DIRAS1: variants seen among roughly 807,000 people sequenced by gnomAD.
DIRAS1 encodes the protein DIRAS family GTPase 1, also known as GTP-binding protein Di-Ras1.
DIRAS1 carries 3 observed loss-of-function variants against 11.5 expected under a neutral mutation model. That is an observed-to-expected ratio of 0.26 (90% CI 0.12 to 0.67). DIRAS1 has a LOEUF of 0.67. Ranked by LOEUF, DIRAS1 falls within the 30% of genes least tolerant of loss-of-function variation. The pLI is 0.80. For synonymous variants in DIRAS1, 128 were observed against 125.8 expected, an observed-to-expected ratio of 1.02 and a Z score of -0.12; for missense variants, 212 against 285.3, an observed-to-expected ratio of 0.74 and a Z score of 1.85.
chr19:2,716,859 T>G lies in DIRAS1; in HGVS notation c.*351A>C. The G allele has an allele frequency of 3.7e-6, 1 of 269,824 alleles. No individual in the cohort carries two copies. Among genetic ancestry groups the G allele is most frequent in the Non-Finnish European group, 7.0e-6 (1 of 142,854 alleles). 16.7% of individuals were successfully genotyped at this position (269,824 alleles called of 1,614,324 possible). Reference sequence around the variant, plus strand: ...GCTGGGGACACCCCAGGGAAAGAGATGGAAACGGGGAAACGCAGCCTCCTC... The same window carrying G: ...GCTGGGGACACCCCAGGGAAAGAGAGGGAAACGGGGAAACGCAGCCTCCTC... On this transcript the variant is annotated 3_prime_UTR_variant, in exon 2 of 2. Coordinates refer to ENST00000323469, the MANE Select transcript of DIRAS1 (RefSeq NM_145173.4).
In DIRAS1 at chr19:2,718,290, T is replaced by G. The variant is rs1251044013; in HGVS notation, c.-69-415A>C. On this transcript the variant is annotated intron_variant, in intron 1 of 1. Coordinates refer to ENST00000323469, the MANE Select transcript of DIRAS1 (RefSeq NM_145173.4). This position sits in a 1 kb window ranked among gnomAD's most constrained non-coding sequence, Gnocchi z 4.2. Reference sequence around the variant, plus strand: ...CTCTCGCTCCACACCTGCCTGGCTCTGAGACCTTGCCGAGCCATCATGCCA... The same window carrying G: ...CTCTCGCTCCACACCTGCCTGGCTCGGAGACCTTGCCGAGCCATCATGCCA... 6.6e-6 allele frequency among the ~76,000 whole-genome samples: 1 copy of G among 152,178 alleles called. No homozygotes were observed. The highest frequency in any genetic ancestry group is 1.5e-5 in the Non-Finnish European group (1 of 68,012).
At position 2,715,183 on chromosome 19, in the gene DIRAS1, CA is replaced by C. The variant is rs36027150; in HGVS notation, c.*2026del. 2 of 152,234 alleles carry C rather than the reference CA, an allele frequency of 1.3e-5. No homozygotes were observed. The highest frequency in any genetic ancestry group is 6.5e-5 in the Admixed American group (1 of 15,282). 9.4% of individuals were successfully genotyped at this position (152,234 alleles called of 1,614,324 possible). A position where few individuals can be genotyped will look rare whatever the true frequency, so the allele number is the denominator to read the frequency against. ...CAGAGGAAAACAAACATGCTTGTAC[CA>C]AATCAGACACGAGCAATCTGTTACC... is the stretch of plus-strand genomic sequence containing the variant. On this transcript the variant is annotated 3_prime_UTR_variant, in exon 2 of 2. Transcript: ENST00000323469.
In DIRAS1 at chr19:2,717,574, T is replaced by C. The variant is rs1173305927; in HGVS notation, c.233A>G (p.Lys78Arg). 1.2e-6 allele frequency: 2 copies of C among 1,613,070 alleles called. No individual in the cohort carries two copies. The highest frequency in any genetic ancestry group is 4.5e-5 in the East Asian group (2 of 44,852). Reference protein sequence around the residue: ...FPAMQRLSISKGHAFILVFSV... With the variant: ...FPAMQRLSISRGHAFILVFSV... ...GAACACCAGGATGAAGGCGTGGCCCTTGGAGATGGACAGGCGCTGCATGGC... is the reference window on the plus strand; with the variant it reads ...GAACACCAGGATGAAGGCGTGGCCCCTGGAGATGGACAGGCGCTGCATGGC... Residue 78 changes from lysine to arginine, a missense_variant, in exon 2 of 2, where the codon AAG (lysine) becomes AGG (arginine). This residue lies in a region of DIRAS1 where 128 missense variants were observed against 205.3 expected (regional missense o/e 0.62). Transcript: ENST00000323469.
At position 2,717,725 on chromosome 19, in the gene DIRAS1, C is replaced by G. The variant is rs776347127; in HGVS notation, c.82G>C (p.Val28Leu). 1.2e-6 allele frequency: 2 copies of G among 1,607,562 alleles called. No homozygotes were observed. Among genetic ancestry groups the G allele is most frequent in the African/African-American group, 1.3e-5 (1 of 75,062 alleles). The change falls in exon 2 of 2, where the codon GTG (valine) becomes CTG (leucine). Residue 28 changes from valine to leucine, a missense_variant. This residue lies in a region of DIRAS1 where 128 missense variants were observed against 205.3 expected (regional missense o/e 0.62). Transcript: ENST00000323469. ...VGKSSLVLRF[V>L]KGTFRDTYIP... ...TAGGTGTCGCGGAACGTGCCCTTCA[C>G]GAAGCGCAGCACCAGCGAGCTCTTG...
Position 2,718,490 on chromosome 19 carries a change from C to T in DIRAS1, c.-69-615G>A, listed in dbSNP as rs558352127. Among the ~76,000 whole-genome samples, 4 of 152,314 alleles carry T rather than the reference C, an allele frequency of 2.6e-5. No individual in the cohort carries two copies. The highest frequency in any genetic ancestry group is 2.1e-4 in the South Asian group (1 of 4,826). ...GTGATGAATCGGTCGGCCAGGGCAA[C>T]GGCCCTGGGAACTCGTATTTTATTT... On this transcript the variant is annotated intron_variant, in intron 1 of 1. Coordinates refer to ENST00000323469, the MANE Select transcript of DIRAS1 (RefSeq NM_145173.4). This position sits in a 1 kb window ranked among gnomAD's most constrained non-coding sequence, Gnocchi z 4.2.
chr19:2,716,542 G>T lies in DIRAS1; in HGVS notation c.*668C>A, dbSNP rs1245332150. ...TGGATGTGGCTGGTCCCGGGGGTGG[G>T]ATTCGGGGCTGGCAGGGGCACTGCT... On this transcript the variant is annotated 3_prime_UTR_variant, in exon 2 of 2. Coordinates refer to ENST00000323469, the MANE Select transcript of DIRAS1 (RefSeq NM_145173.4). 1 of 152,522 alleles carries T rather than the reference G, an allele frequency of 6.6e-6. No homozygotes were observed. The highest frequency in any genetic ancestry group is 1.5e-5 in the Non-Finnish European group (1 of 68,232). The allele number at this position is 152,522 out of a possible 1,614,324, so 9.4% of individuals were successfully genotyped here. A position where few individuals can be genotyped will look rare whatever the true frequency, so the allele number is the denominator to read the frequency against.
rs1599475848 is a variant in DIRAS1 at position 2,717,054 on chromosome 19, C to T, written c.*156G>A. On this transcript the variant is annotated 3_prime_UTR_variant, in exon 2 of 2. Coordinates refer to ENST00000323469, the MANE Select transcript of DIRAS1 (RefSeq NM_145173.4). ...AGCCCCAGCCCTGCCTCGGGGTGGG[C>T]AGGGGCAGCGGAGGGGGGGGCGGTG... 2.8e-6 allele frequency: 2 copies of T among 723,266 alleles called. No individual in the cohort carries two copies. The highest frequency in any genetic ancestry group is 2.8e-5 in the East Asian group (1 of 35,940). The allele number at this position is 723,266 out of a possible 1,614,324, so 44.8% of individuals were successfully genotyped here.
rs1441444868 is a variant in DIRAS1 at position 2,718,137 on chromosome 19, G to A, written c.-69-262C>T. 2.0e-5 allele frequency among the ~76,000 whole-genome samples: 3 copies of A among 152,232 alleles called. No individual in the cohort carries two copies. The highest frequency in any genetic ancestry group is 1.3e-4 in the Admixed American group (2 of 15,280). On this transcript the variant is annotated intron_variant, in intron 1 of 1. Transcript: ENST00000323469. The surrounding 1 kb of genome is among the most constrained non-coding windows in gnomAD (Gnocchi z 4.2). ...CGGGGGACGCTGAGCTAGGAGAGGCGTGGGAGACGCCGGGATGCCCACGAA... is the reference window on the plus strand; with the variant it reads ...CGGGGGACGCTGAGCTAGGAGAGGCATGGGAGACGCCGGGATGCCCACGAA...
chr19:2,720,640 C>T (rs1294469367), intron 1 of DIRAS1, among the ~76,000 whole-genome samples: 1 of 145,900 alleles, frequency 6.9e-6, no homozygotes, highest in African/African-American at 2.5e-5. Flanking sequence ...GCCCGGCTCC[C>T]GGCCGGGCAC....
Position 2,717,066 on chromosome 19 carries a change from A to AGGCC in DIRAS1, c.*143_*144insGGCC. The AGGCC allele has an allele frequency of 4.0e-6, 3 of 754,386 alleles. No individual in the cohort carries two copies. The highest frequency in any genetic ancestry group is 5.9e-6 in the Non-Finnish European group (3 of 511,908). The allele number at this position is 754,386 out of a possible 1,614,324, so 46.7% of individuals were successfully genotyped here. Reference sequence around the variant, plus strand: ...GCCTCGGGGTGGGCAGGGGCAGCGGAGGGGGGGGCGGTGGCCTCGGTTTCC... The same window carrying AGGCC: ...GCCTCGGGGTGGGCAGGGGCAGCGGAGGCCGGGGGGGGCGGTGGCCTCGGTTTCC... On this transcript the variant is annotated 3_prime_UTR_variant, in exon 2 of 2. Coordinates refer to ENST00000323469, the MANE Select transcript of DIRAS1 (RefSeq NM_145173.4).
chr19:2,717,901 C>T (rs1449331084), intron 1 of DIRAS1, 26 bp from the exon 2 acceptor site: 1 of 1,303,760 alleles, frequency 7.7e-7, no homozygotes, highest in East Asian at 2.5e-5. Context: ...GGTCACACGT[C>T]AAAGGCCACC....
At chr19:2,719,538 T>C (rs576159174) in intron 1 of DIRAS1, among the ~76,000 whole-genome samples, 32 of 150,692 alleles carry the variant, frequency 2.1e-4, no homozygotes, top group Admixed American at 9.9e-4. Context: ...ATCTCCAGAA[T>C]TGATGTCCTC....
At position 2,717,693 on chromosome 19, in the gene DIRAS1, G is replaced by T; in HGVS notation, c.114C>A (p.Pro38=). ...VKGTFRDTYI[P]TIEDTYRQVI... is the part of the protein sequence containing the mutation. ...CCTGCCGGTAGGTGTCCTCGATGGTGGGGATGTAGGTGTCGCGGAACGTGC... is the reference window on the plus strand; with the variant it reads ...CCTGCCGGTAGGTGTCCTCGATGGTTGGGATGTAGGTGTCGCGGAACGTGC... Residue 38 remains proline, a synonymous_variant, in exon 2 of 2, where the codon CCC becomes CCA. Transcript: ENST00000323469. 1.2e-5 allele frequency: 19 copies of T among 1,611,680 alleles called. No individual in the cohort carries two copies. Among genetic ancestry groups the T allele is most frequent in the Non-Finnish European group, 1.6e-5 (19 of 1,180,008 alleles).
chr19:2,717,305 C>A lies in DIRAS1; in HGVS notation c.502G>T (p.Glu168Ter). 1.2e-6 allele frequency: 2 copies of A among 1,612,436 alleles called. No homozygotes were observed. The highest frequency in any genetic ancestry group is 1.7e-6 in the Non-Finnish European group (2 of 1,179,930). ...KELFQELLTLETRRNMSLNID... is the reference protein window; with the variant it reads ...KELFQELLTL ...TTGAGGCTCATGTTCCGGCGCGTCT[C>A]CAGCGTCAGCAGCTCCTGGAAGAGC... Residue 168 changes from glutamate to a stop codon, truncating the protein, a stop_gained, in exon 2 of 2, where the codon GAG becomes TAG. Transcript: ENST00000323469. LOFTEE classifies it high-confidence loss of function.
At chr19:2,719,307 TC>T (rs1358466145) in intron 1 of DIRAS1, 2 of 152,120 alleles carry the variant, frequency 1.3e-5, no homozygotes, top group East Asian at 3.9e-4. Context: ...AAATCGCCAC[TC>T]CCTAAACTCT....
chr19:2,718,391 A>AGAT lies in DIRAS1; in HGVS notation c.-69-519_-69-517dup, dbSNP rs1340859558. Among the ~76,000 whole-genome samples, 20 of 152,248 alleles carry AGAT rather than the reference A, an allele frequency of 1.3e-4. No individual in the cohort carries two copies. The highest frequency in any genetic ancestry group is 4.6e-4 in the African/African-American group (19 of 41,468). On this transcript the variant is annotated intron_variant, in intron 1 of 1. Coordinates refer to ENST00000323469, the MANE Select transcript of DIRAS1 (RefSeq NM_145173.4). This position sits in a 1 kb window ranked among gnomAD's most constrained non-coding sequence, Gnocchi z 4.2. ...GTCCCCTGCTCTTCCGCCAACCCAG[A>AGAT]GATGGCCAATCCTCATGGAAGCCGC...
rs1448970784 is a variant in DIRAS1 at position 2,717,815 on chromosome 19, C to G, written c.-9G>C. 2 of 1,582,476 alleles carry G rather than the reference C, an allele frequency of 1.3e-6. No individual in the cohort carries two copies. The highest frequency in any genetic ancestry group is 2.3e-5 in the East Asian group (1 of 44,418). Reference sequence around the variant, plus strand: ...TTACTCTGTTCCGGCATCTTCCCCGCGGCGGGTGGGCGGCCGGGGCCGGGA... The same window carrying G: ...TTACTCTGTTCCGGCATCTTCCCCGGGGCGGGTGGGCGGCCGGGGCCGGGA... On this transcript the variant is annotated 5_prime_UTR_variant, in exon 2 of 2. Coordinates refer to ENST00000323469, the MANE Select transcript of DIRAS1 (RefSeq NM_145173.4).
At position 2,717,508 on chromosome 19, in the gene DIRAS1, A is replaced by T; in HGVS notation, c.299T>A (p.Ile100Asn). The T allele has an allele frequency of 6.2e-7, 1 of 1,612,898 alleles. No homozygotes were observed. The highest frequency in any genetic ancestry group is 8.5e-7 in the Non-Finnish European group (1 of 1,179,974). The change falls in exon 2 of 2, where the codon ATC becomes AAC. Residue 100 changes from isoleucine (I) to asparagine (N), a missense_variant. Ile to Asn is a moderately radical substitution (Grantham distance 149, BLOSUM62 -3). Around this residue, in one of 2 missense-constraint regions of DIRAS1, gnomAD observed 128 missense variants for 205.3 expected, o/e 0.62. Transcript: ENST00000323469. Reference sequence around the variant, plus strand: ...CTTGATCTGCACGATGAGCTTGTAGATGGGCCCCAGCTCCTCCAGCGACTG... The same window carrying T: ...CTTGATCTGCACGATGAGCTTGTAGTTGGGCCCCAGCTCCTCCAGCGACTG... ...SKQSLEELGP[I>N]YKLIVQIKGS... is the part of the protein sequence containing the mutation.
rs943037208 is a variant in DIRAS1 at position 2,716,822 on chromosome 19, C to T, written c.*388G>A. On this transcript the variant is annotated 3_prime_UTR_variant, in exon 2 of 2. Coordinates refer to ENST00000323469, the MANE Select transcript of DIRAS1 (RefSeq NM_145173.4). ...CAGTGATCAAATGTGAGGGACAGGACGCGCAGGTCTGGCTGGGGACACCCC... is the reference window on the plus strand; with the variant it reads ...CAGTGATCAAATGTGAGGGACAGGATGCGCAGGTCTGGCTGGGGACACCCC... The T allele has an allele frequency of 6.3e-5, 14 of 222,254 alleles. No individual in the cohort carries two copies. Among genetic ancestry groups the T allele is most frequent in the East Asian group, 5.2e-4 (5 of 9,682 alleles). The allele number at this position is 222,254 out of a possible 1,614,324, so 13.8% of individuals were successfully genotyped here.
Sources: gnomAD v4.1 joint callset for allele counts (sites outside exome capture counted in the v4.1 genomes callset) on GRCh38, gnomAD v4.1.1 for gene constraint, gnomAD v4.1.1 regional missense constraint, Gnocchi (gnomAD v3.1) non-coding constraint, MANE v1.5 for transcripts, NCBI Gene and HGNC (gene_info 2026-07-23, HGNC 2026-07-21) for gene names.